IMMP2L: variants seen among roughly 807,000 people sequenced by gnomAD.
The protein encoded by IMMP2L is inner mitochondrial membrane peptidase subunit 2.
A neutral mutation model predicts 19.3 loss-of-function variants in IMMP2L; 18 were observed. That is an observed-to-expected ratio of 0.93 (90% CI 0.64 to 1.38). IMMP2L has a LOEUF of 1.38. IMMP2L is among the 40% of genes most tolerant of loss of function. The probability of loss-of-function intolerance (pLI) is 0.00; values close to 1 mark genes in which losing one functional copy is unlikely to be tolerated. For synonymous variants in IMMP2L, 76 were observed against 73.0 expected, an observed-to-expected ratio of 1.04 and a Z score of -0.21; for missense variants, 233 against 218.2, an observed-to-expected ratio of 1.07 and a Z score of -0.43.
At position 111,447,625 on chromosome 7, in the gene IMMP2L, G is replaced by A. The variant is rs576242957; in HGVS notation, c.239+39613C>T. On this transcript the variant is annotated intron_variant, in intron 3 of 5. Coordinates refer to ENST00000405709, the MANE Select transcript of IMMP2L (RefSeq NM_032549.4). ...ATCATGCCAAAATGTAAAGACCATC[G>A]AGACTAGGAAGAAACTGCATCAACT... 9.9e-5 allele frequency among the ~76,000 whole-genome samples: 15 copies of A among 151,538 alleles called. No individual in the cohort carries two copies. The South Asian group carries it at 1.7e-3, about 17-fold the overall frequency.
At chr7:110,755,987 C>T (rs1798017287) in intron 5 of IMMP2L, among the ~76,000 whole-genome samples, 1 of 152,024 alleles carries the variant, frequency 6.6e-6, no homozygotes, top group South Asian at 2.1e-4. Flanking sequence ...ATTTAACAAA[C>T]TTTATGCAAA....
chr7:110,903,697 A>G (rs1812149687), intron 4 of IMMP2L, among the ~76,000 whole-genome samples: 1 of 152,154 alleles, frequency 6.6e-6, no homozygotes. Flanking sequence ...GTCTGATGTG[A>G]AAAGTGCTAA....
At chr7:111,167,211 C>G (rs1264724591) in intron 3 of IMMP2L, among the ~76,000 whole-genome samples, 1 of 151,924 alleles carries the variant, frequency 6.6e-6, no homozygotes, top group East Asian at 1.9e-4. Context: ...CTCATCAAAG[C>G]CTGTCTTTAG....
chr7:111,403,508 C>T (rs1330987161), intron 3 of IMMP2L, among the ~76,000 whole-genome samples: 1 of 151,958 alleles, frequency 6.6e-6, no homozygotes. Flanking sequence ...TTGGTGCAAT[C>T]ACACCTGCAA....
chr7:110,892,747 T>G (rs1049611764), intron 4 of IMMP2L, among the ~76,000 whole-genome samples: 7 of 152,132 alleles, frequency 4.6e-5, no homozygotes, highest in Admixed American at 6.6e-5. Flanking sequence ...AAAATTAAAT[T>G]GACAATAGAG....
intron 1 of IMMP2L, among the ~76,000 whole-genome samples, chr7:111,540,913 GC>G (rs761843476): frequency 5.3e-5 from 8 of 152,098 alleles, no homozygotes; most frequent in Non-Finnish European, 1.2e-4. Context: ...GCCAGATCAG[GC>G]TGTATTGACA....
intron 3 of IMMP2L, among the ~76,000 whole-genome samples, chr7:111,224,818 ACTTTAC>A (rs1337897803): frequency 6.6e-6 from 1 of 152,282 alleles, no homozygotes; most frequent in African/African-American, 2.4e-5. Context: ...TTGGCACCAA[ACTTTAC>A]TGAGTCATTG....
intron 5 of IMMP2L, among the ~76,000 whole-genome samples, chr7:110,666,728 T>C (rs1217593108): frequency 2.0e-5 from 3 of 152,192 alleles, no homozygotes; most frequent in African/African-American, 7.2e-5. Context: ...TCTTCCACAG[T>C]GATTACCCTG....
chr7:111,507,833 TG>T (rs1405251730), intron 2 of IMMP2L, among the ~76,000 whole-genome samples: 2 of 152,174 alleles, frequency 1.3e-5, no homozygotes, highest in African/African-American at 4.8e-5. Flanking sequence ...GGCACTCAAC[TG>T]GGGCTGGAAG....
chr7:111,016,173 C>T (rs539186684), intron 3 of IMMP2L, among the ~76,000 whole-genome samples: 1 of 151,654 alleles, frequency 6.6e-6, no homozygotes, highest in South Asian at 2.1e-4. Context: ...CATCTTATCT[C>T]AACATCTAAA....
chr7:111,076,247 T>C (rs564359107), intron 3 of IMMP2L, among the ~76,000 whole-genome samples: 1 of 152,282 alleles, frequency 6.6e-6, no homozygotes, highest in African/African-American at 2.4e-5. Context: ...ACTCCAGCCC[T>C]ACTGAATCAG....
At chr7:111,262,370 G>C (rs1449370457) in intron 3 of IMMP2L, among the ~76,000 whole-genome samples, 1 of 152,050 alleles carries the variant, frequency 6.6e-6, no homozygotes, top group African/African-American at 2.4e-5. Flanking sequence ...TGAATGAAGT[G>C]AATGAGCCGG....
intron 5 of IMMP2L, among the ~76,000 whole-genome samples, chr7:110,680,515 C>T (rs1562911520): frequency 6.6e-6 from 1 of 151,930 alleles, no homozygotes; most frequent in South Asian, 2.1e-4. Flanking sequence ...GGTCTAAACC[C>T]GAGAAAAACT....
intron 4 of IMMP2L, among the ~76,000 whole-genome samples, chr7:110,930,656 T>C (rs1254820551): frequency 6.6e-6 from 1 of 152,204 alleles, no homozygotes; most frequent in African/African-American, 2.4e-5. Context: ...ATCACATTAA[T>C]AATTTGCATT....
intron 3 of IMMP2L, among the ~76,000 whole-genome samples, chr7:111,088,811 C>T (rs1796571404): frequency 6.6e-6 from 1 of 152,090 alleles, no homozygotes; most frequent in Non-Finnish European, 1.5e-5. Context: ...CAGTTAAGGA[C>T]TGAACGCCCT....
At chr7:111,345,791 T>C (rs999587794) in intron 3 of IMMP2L, among the ~76,000 whole-genome samples, 11 of 152,134 alleles carry the variant, frequency 7.2e-5, no homozygotes, top group Admixed American at 4.6e-4. Flanking sequence ...TGCTATACTG[T>C]CCAGGTCATT....
chr7:111,265,800 G>A (rs1817770329), intron 3 of IMMP2L, among the ~76,000 whole-genome samples: 1 of 152,162 alleles, frequency 6.6e-6, no homozygotes, highest in East Asian at 1.9e-4. Context: ...GAGAAAGAAA[G>A]AGAAAGAAAA....
At chr7:111,380,581 T>C (rs891954977) in intron 3 of IMMP2L, among the ~76,000 whole-genome samples, 2 of 152,158 alleles carry the variant, frequency 1.3e-5, no homozygotes, top group South Asian at 2.1e-4. Context: ...CTAACAGCTA[T>C]TCCCTAGGGT....
intron 5 of IMMP2L, among the ~76,000 whole-genome samples, chr7:110,765,703 G>A (rs972197467): frequency 2.0e-5 from 3 of 152,110 alleles, no homozygotes; most frequent in Admixed American, 6.5e-5. Flanking sequence ...GCAGTGCGCT[G>A]TCTGTTTAGA....
Sources: gnomAD v4.1 joint callset for allele counts (sites outside exome capture counted in the v4.1 genomes callset) on GRCh38, gnomAD v4.1.1 for gene constraint, MANE v1.5 for transcripts, NCBI Gene and HGNC (gene_info 2026-07-23, HGNC 2026-07-21) for gene names.